The following PALM2AKAP2 variants were observed in gnomAD, a reference collection of about 807,000 sequenced individuals.
PALM2AKAP2 encodes PALM2-AKAP2 fusion protein.
A neutral mutation model predicts 71.5 loss-of-function variants in PALM2AKAP2; 37 were observed. That is an observed-to-expected ratio of 0.52 (90% confidence interval 0.40 to 0.68). The LOEUF (loss-of-function observed/expected upper bound fraction) is 0.68. Ranked by LOEUF, PALM2AKAP2 falls within the 30% of genes least tolerant of loss-of-function variation. The pLI is 0.00. For missense variants in PALM2AKAP2, 1,224 were observed against 1,191.8 expected (o/e 1.03, Z -0.40); for synonymous variants, 468 against 478.8 (o/e 0.98, Z 0.29).
chr9:110,043,545 C>T (rs574049986), intron 7 of PALM2AKAP2, among the ~76,000 whole-genome samples: 32 of 152,028 alleles, frequency 2.1e-4, no homozygotes, highest in Non-Finnish European at 3.8e-4. Context: ...TTTCATCATT[C>T]CCTTGCCAAA....
intron 6 of PALM2AKAP2, among the ~76,000 whole-genome samples, chr9:109,990,263 T>C (rs1832453398): frequency 6.6e-6 from 1 of 152,142 alleles, no homozygotes; most frequent in Non-Finnish European, 1.5e-5. Context: ...TCCAGCCATG[T>C]TGGCAAGGCT....
At chr9:109,791,110 G>A (rs1827100641) in intron 1 of PALM2AKAP2, among the ~76,000 whole-genome samples, 1 of 152,188 alleles carries the variant, frequency 6.6e-6, no homozygotes, top group Non-Finnish European at 1.5e-5. Context: ...AGGTCCTGGA[G>A]GCAGCAGTAG....
chr9:109,734,084 C>T (rs1046749653), intron 1 of PALM2AKAP2, among the ~76,000 whole-genome samples: 1 of 152,182 alleles, frequency 6.6e-6, no homozygotes, highest in Non-Finnish European at 1.5e-5. Flanking sequence ...GAGGGGGAGA[C>T]CATAATTATA....
intron 6 of PALM2AKAP2, among the ~76,000 whole-genome samples, chr9:110,009,618 G>A: frequency 6.6e-6 from 1 of 151,438 alleles, no homozygotes; most frequent in Non-Finnish European, 1.5e-5. Context: ...AGAGGCTGAG[G>A]CAGGAGAATG....
At chr9:109,920,362 A>G (rs553448023) in intron 3 of PALM2AKAP2, among the ~76,000 whole-genome samples, 1 of 149,252 alleles carries the variant, frequency 6.7e-6, no homozygotes. Context: ...TATTTTTGAG[A>G]ATAATGTAAT....
chr9:109,990,720 T>C (rs916724694), intron 6 of PALM2AKAP2, among the ~76,000 whole-genome samples: 1 of 152,226 alleles, frequency 6.6e-6, no homozygotes, highest in Admixed American at 6.5e-5. Context: ...AAGCCACAGA[T>C]CATTTGGGTG....
chr9:109,932,024 G>A lies in PALM2AKAP2; in HGVS notation c.492G>A (p.Ala164=), dbSNP rs372422935. 2.4e-5 allele frequency: 38 copies of A among 1,612,410 alleles called. 1 individual carries two copies. The highest frequency in any genetic ancestry group is 2.3e-4 in the African/African-American group (17 of 75,054). ...CTGGGCAGGACGGGACCAGCAGAGC[G>A]GCTGGTAAGTCCTGGGGACCTTTGG... Residue 164 remains alanine, a synonymous_variant, in exon 6 of 10, where the codon GCG becomes GCA. Transcript: ENST00000302798.
At chr9:109,890,378 C>T (rs112591589) in intron 3 of PALM2AKAP2, among the ~76,000 whole-genome samples, 61 of 152,282 alleles carry the variant, frequency 4.0e-4, no homozygotes, top group African/African-American at 1.3e-3. Context: ...TCCAGCCTTC[C>T]TAGCTTCTCT....
chr9:109,681,840 A>G (rs1827740685), intron 1 of PALM2AKAP2, among the ~76,000 whole-genome samples: 1 of 152,140 alleles, frequency 6.6e-6, no homozygotes, highest in African/African-American at 2.4e-5. Context: ...GACCATTATG[A>G]ATTTTGATGT....
chr9:109,779,442 G>A (rs753285162), upstream of PALM2AKAP2, among the ~76,000 whole-genome samples: 1 of 151,068 alleles, frequency 6.6e-6, no homozygotes, highest in East Asian at 1.9e-4. Context: ...AGGATAATAA[G>A]AGCAGATGTC....
intron 1 of PALM2AKAP2, among the ~76,000 whole-genome samples, chr9:109,692,825 T>C (rs1564115358): frequency 6.6e-6 from 1 of 151,996 alleles, no homozygotes; most frequent in Non-Finnish European, 1.5e-5. Context: ...TCTATATTGG[T>C]TTATTTGATT....
At chr9:109,984,479 G>A (rs894008049) in intron 6 of PALM2AKAP2, among the ~76,000 whole-genome samples, 11 of 151,558 alleles carry the variant, frequency 7.3e-5, no homozygotes, top group Middle Eastern at 6.8e-3. Context: ...GTAACAAAGC[G>A]AGACTAGATT....
intron 1 of PALM2AKAP2, among the ~76,000 whole-genome samples, chr9:109,677,239 CAAAG>C (rs987399467): frequency 6.6e-6 from 1 of 152,126 alleles, no homozygotes; most frequent in African/African-American, 2.4e-5. Flanking sequence ...CATTTATTGA[CAAAG>C]AGACAACTTA....
chr9:109,974,986 C>G (rs1229950310), intron 6 of PALM2AKAP2, among the ~76,000 whole-genome samples: 1 of 152,114 alleles, frequency 6.6e-6, no homozygotes, highest in East Asian at 1.9e-4. Flanking sequence ...CTACTTTCAG[C>G]TTGGTTATGG....
intron 1 of PALM2AKAP2, among the ~76,000 whole-genome samples, chr9:109,813,189 C>T (rs1353816889): frequency 2.6e-5 from 4 of 152,164 alleles, no homozygotes; most frequent in Non-Finnish European, 2.9e-5. Flanking sequence ...TATCAATGAC[C>T]TAGATTACCC....
chr9:109,927,693 A>T (rs975375359), intron 5 of PALM2AKAP2, among the ~76,000 whole-genome samples: 1 of 152,060 alleles, frequency 6.6e-6, no homozygotes, highest in Non-Finnish European at 1.5e-5. Context: ...AGAACAATTT[A>T]TTCTATTCTT....
chr9:109,933,729 C>T (rs1281128581), intron 6 of PALM2AKAP2, among the ~76,000 whole-genome samples: 1 of 152,350 alleles, frequency 6.6e-6, no homozygotes, highest in East Asian at 1.9e-4. Flanking sequence ...AGTAATTTTA[C>T]ATATGTTTCT....
chr9:109,960,864 C>A (rs1833553056), intron 6 of PALM2AKAP2, among the ~76,000 whole-genome samples: 1 of 152,210 alleles, frequency 6.6e-6, no homozygotes, highest in South Asian at 2.1e-4. Context: ...GACAAATTGT[C>A]TTCCTATGCC....
intron 1 of PALM2AKAP2, among the ~76,000 whole-genome samples, chr9:110,064,056 A>C (rs1053124422): frequency 1.3e-5 from 2 of 152,150 alleles, no homozygotes; most frequent in Non-Finnish European, 2.9e-5. Context: ...CCACGGACCA[A>C]AGTGAAACAC....
Sources: allele counts gnomAD v4.1 joint callset (sites outside exome capture counted in the v4.1 genomes callset), GRCh38; gene constraint gnomAD v4.1.1; transcripts MANE v1.5; gene names NCBI Gene and HGNC (gene_info 2026-07-23, HGNC 2026-07-21).